Variants in TAOK1 observed in about 807,000 individuals in gnomAD.
TAOK1 encodes the protein TAO kinase 1, also known as serine/threonine-protein kinase TAO1.
In TAOK1, 21 loss-of-function variants were observed where a neutral mutation model predicts 138.3. The observed-to-expected ratio is 0.15, with a 90% CI of 0.11 to 0.22. TAOK1 has a LOEUF of 0.22. Ranked by LOEUF, TAOK1 falls within the 10% of genes least tolerant of loss-of-function variation. The pLI, the probability that TAOK1 is intolerant of heterozygous loss-of-function variation, is 1.00. For missense variants in TAOK1, 651 were observed against 1,227.7 expected (o/e 0.53, Z 7.02); for synonymous variants, 361 against 398.4 (o/e 0.91, Z 1.12).
chr17:29,445,110 A>G (rs773210568), intron 1 of TAOK1, among the ~76,000 whole-genome samples: 5 of 152,104 alleles, frequency 3.3e-5, no homozygotes, highest in Non-Finnish European at 5.9e-5. Flanking sequence ...TTCTTTATAA[A>G]TTTATTTTTT....
rs555104841 is a variant in TAOK1, at chr17:29,396,990, CAAA to C, written c.-95+5985_-95+5987del. Among the ~76,000 whole-genome samples, 194 of 69,520 alleles carry C rather than the reference CAAA, an allele frequency of 2.8e-3. 1 individual carries two copies. The highest frequency in any genetic ancestry group is 9.2e-3 in the African/African-American group (136 of 14,740). The allele number at this position is 69,520 out of a possible 152,430, so 45.6% of individuals were successfully genotyped here. ...TGGGCAACAGAGTACAACTCTGTCT[CAAA>C]AAAAAAAAAAAAAAAAAAGGGCTGG... On this transcript the variant is annotated intron_variant, in intron 1 of 19. Transcript: ENST00000261716.
At chr17:29,483,067 C>T (rs1310697896) in intron 8 of TAOK1, among the ~76,000 whole-genome samples, 2 of 152,076 alleles carry the variant, frequency 1.3e-5, no homozygotes, top group African/African-American at 4.8e-5. Flanking sequence ...AAGAGCATTG[C>T]ATTAAATTTT....
At chr17:29,530,281 G>C in intron 17 of TAOK1, 126 bp from the exon 18 acceptor site, 1 of 791,398 alleles carries the variant, frequency 1.3e-6, no homozygotes, top group South Asian at 1.8e-5. Flanking sequence ...GCAACCTGAT[G>C]ATCTGACCTG....
chr17:29,472,346 G>A (rs1199459473), intron 3 of TAOK1, among the ~76,000 whole-genome samples: 4 of 145,882 alleles, frequency 2.7e-5, no homozygotes, highest in South Asian at 2.3e-4. Flanking sequence ...TCTGCCTCCC[G>A]GGTTCAAGCG....
At chr17:29,417,002 C>G (rs1433914217) in intron 1 of TAOK1, among the ~76,000 whole-genome samples, 1 of 151,800 alleles carries the variant, frequency 6.6e-6, no homozygotes, top group Non-Finnish European at 1.5e-5. Flanking sequence ...TTTTAGTTTA[C>G]CAGTTTTTTT....
At chr17:29,412,429 T>G (rs1300981626) in intron 1 of TAOK1, among the ~76,000 whole-genome samples, 1 of 61,194 alleles carries the variant, frequency 1.6e-5, no homozygotes, top group African/African-American at 9.2e-5. Context: ...TCATCTCTTC[T>G]TTTTCTCTGT....
intron 15 of TAOK1, 185 bp downstream of exon 15, chr17:29,511,177 G>T: frequency 2.7e-6 from 1 of 376,418 alleles, no homozygotes; most frequent in Non-Finnish European, 4.8e-6. Flanking sequence ...TAGTTGAGTA[G>T]GATTTAAAAT....
intron 3 of TAOK1, among the ~76,000 whole-genome samples, chr17:29,474,738 A>AT (rs1001658265): frequency 6.6e-6 from 1 of 152,144 alleles, no homozygotes; most frequent in African/African-American, 2.4e-5. Flanking sequence ...AGTTTCAAAT[A>AT]TTGTGAGAGT....
chr17:29,454,869 T>C (rs1216084581), intron 2 of TAOK1, among the ~76,000 whole-genome samples: 1 of 151,866 alleles, frequency 6.6e-6, no homozygotes, highest in Non-Finnish European at 1.5e-5. Context: ...GCCCAGCTAA[T>C]TTTTTGTATT....
Position 29,542,989 on chromosome 17 carries a change from A to G in TAOK1, c.2973A>G (p.Gln991=), listed in dbSNP as rs765534552. 7 of 1,607,360 alleles carry G rather than the reference A, an allele frequency of 4.4e-6. No homozygotes were observed. Among genetic ancestry groups the G allele is most frequent in the Non-Finnish European group, 6.0e-6 (7 of 1,175,874 alleles). The change falls in exon 20 of 20, where the codon CAA becomes CAG. Residue 991 remains glutamine (Q), a synonymous_variant. Transcript: ENST00000261716. ...GCAGAAGCACGAGTGTCACTTCACA[A>G]ATATCCAATGGGTCACACATGTCTT... The part of the protein sequence containing the change: ...GMSRSTSVTS[Q]ISNGSHMSYT
intron 1 of TAOK1, among the ~76,000 whole-genome samples, chr17:29,444,564 A>G (rs1374737153): frequency 6.6e-6 from 1 of 152,180 alleles, no homozygotes. Flanking sequence ...AACAATATAC[A>G]TAGGTGTTAT....
At chr17:29,391,485 G>GT (rs1331105243) in intron 1 of TAOK1, among the ~76,000 whole-genome samples, 1 of 152,070 alleles carries the variant, frequency 6.6e-6, no homozygotes, top group Non-Finnish European at 1.5e-5. Flanking sequence ...CGATGGAAGC[G>GT]TTTCTCTCCC....
chr17:29,517,793 A>T, intron 16 of TAOK1, 137 bp downstream of exon 16: 2 of 800,598 alleles, frequency 2.5e-6, no homozygotes, highest in Non-Finnish European at 3.8e-6. Flanking sequence ...AGATATTCAC[A>T]TGGATTGTTT....
rs997057978 is a variant in TAOK1 at position 29,551,333 on chromosome 17, CTCCT to C, written c.*8313_*8316del. The C allele has an allele frequency of 6.6e-6, 1 of 152,102 alleles. No individual in the cohort carries two copies. Among genetic ancestry groups the C allele is most frequent in the Non-Finnish European group, 1.5e-5 (1 of 68,014 alleles). 9.4% of individuals were successfully genotyped at this position (152,102 alleles called of 1,614,324 possible). A position where few individuals can be genotyped will look rare whatever the true frequency, so the allele number is the denominator to read the frequency against. On this transcript the variant is annotated 3_prime_UTR_variant, in exon 20 of 20. Coordinates refer to ENST00000261716, the MANE Select transcript of TAOK1 (RefSeq NM_020791.4). The stretch of plus-strand genomic sequence containing the variant: ...CCTAGATTTTGGCTTGGTTTCTTGC[CTCCT>C]TTTTTGGCAGCCTTCATCTTCTCAT...
chr17:29,451,796 A>G (rs2030244289), intron 2 of TAOK1, 116 bp downstream of exon 2: 6 of 1,258,502 alleles, frequency 4.8e-6, no homozygotes, highest in Non-Finnish European at 6.5e-6. Flanking sequence ...AGTCACTTGC[A>G]TAGGGGGAAG....
chr17:29,518,211 G>A (rs1260683297), intron 16 of TAOK1, among the ~76,000 whole-genome samples: 1 of 152,092 alleles, frequency 6.6e-6, no homozygotes, highest in African/African-American at 2.4e-5. Flanking sequence ...GCCAGGTATG[G>A]TAACTGTAAT....
intron 1 of TAOK1, among the ~76,000 whole-genome samples, chr17:29,423,755 A>G (rs932864895): frequency 3.8e-5 from 1 of 26,554 alleles, no homozygotes; most frequent in Admixed American, 6.1e-4. Context: ...ATTTATTAAA[A>G]CTTGTTTCAG....
chr17:29,410,323 T>G (rs901113187), intron 1 of TAOK1, among the ~76,000 whole-genome samples: 1 of 152,202 alleles, frequency 6.6e-6, no homozygotes, highest in African/African-American at 2.4e-5. Flanking sequence ...TGATCTTGGC[T>G]CACCACAACC....
intron 2 of TAOK1, among the ~76,000 whole-genome samples, chr17:29,458,213 T>C (rs918733697): frequency 2.0e-5 from 3 of 152,270 alleles, no homozygotes; most frequent in African/African-American, 7.2e-5. Flanking sequence ...TTTCTGGCTA[T>C]TATGAATAAA....
Sources: allele counts gnomAD v4.1 joint callset (sites outside exome capture counted in the v4.1 genomes callset), GRCh38; gene constraint gnomAD v4.1.1; transcripts MANE v1.5; gene names NCBI Gene and HGNC (gene_info 2026-07-23, HGNC 2026-07-21).